The following MKNK2 variants were observed in gnomAD, a reference collection of about 807,000 sequenced individuals.
MKNK2 encodes the protein MAP kinase-interacting serine/threonine-protein kinase 2.
Under a neutral mutation model 55.0 loss-of-function variants are expected in MKNK2, and 54 were observed. The ratio of observed to expected loss-of-function variants is 0.98; its 90% CI spans 0.79 to 1.23. MKNK2 has a LOEUF of 1.23. Among genes scored for constraint, MKNK2 ranks in the 50% most tolerant of loss-of-function variants. The pLI, the probability that MKNK2 is intolerant of heterozygous loss-of-function variation, is 0.00. For synonymous variants in MKNK2, 323 were observed against 256.0 expected (o/e 1.26, Z -2.50); for missense variants, 685 against 632.1 (o/e 1.08, Z -0.90).
chr19:2,050,815 G>T lies in MKNK2; in HGVS notation c.37C>A (p.His13Asn), dbSNP rs780555781. The T allele has an allele frequency of 6.5e-7, 1 of 1,537,892 alleles. No individual in the cohort carries two copies. ...CCGGGCCTCACCTTGAACGAACGGT[G>T]GAAACCCTGAAGTTCGGCTGGTTTC... is the stretch of plus-strand genomic sequence containing the variant. ...QKKPAELQGF[H>N]RSFKGQNPFE... Residue 13 changes from histidine (H) to asparagine (N), a missense_variant, in exon 2 of 14, where the codon CAC (histidine) becomes AAC (asparagine). Coordinates refer to ENST00000250896, the MANE Select transcript of MKNK2 (RefSeq NM_199054.3).
At chr19:2,045,185 T>G (rs1192359671) in intron 5 of MKNK2, among the ~76,000 whole-genome samples, 2 of 152,100 alleles carry the variant, frequency 1.3e-5, no homozygotes, top group East Asian at 3.9e-4. Flanking sequence ...CAGGTCAATG[T>G]GGCAAGATGA....
rs2016922447 is a variant in MKNK2 at position 2,042,881 on chromosome 19, CA to C, written c.494-12del. On this transcript the variant is annotated splice_polypyrimidine_tract_variant and intron_variant, in intron 7 of 13. Coordinates refer to ENST00000250896, the MANE Select transcript of MKNK2 (RefSeq NM_199054.3). ...GGCTCAGGATGGAGCCTGGGCAGGG[CA>C]GGGCAGGGCAGGACAGGGGGAACAC... The C allele has an allele frequency of 3.9e-6, 6 of 1,555,568 alleles. No homozygotes were observed. The highest frequency in any genetic ancestry group is 2.7e-5 in the African/African-American group (2 of 73,338).
At chr19:2,049,569 C>T (rs985514629) in intron 2 of MKNK2, among the ~76,000 whole-genome samples, 2 of 152,206 alleles carry the variant, frequency 1.3e-5, no homozygotes, top group Non-Finnish European at 1.5e-5. Context: ...CTAGGTCTGG[C>T]TGTGGGACTC....
At chr19:2,048,123 C>A (rs2017038028) in intron 2 of MKNK2, among the ~76,000 whole-genome samples, 1 of 152,162 alleles carries the variant, frequency 6.6e-6, no homozygotes, top group Non-Finnish European at 1.5e-5. Context: ...GTGCCAGACA[C>A]CCCTGGAGGG....
chr19:2,043,055 G>A, intron 7 of MKNK2, 69 bp downstream of exon 7: 1 of 1,398,172 alleles, frequency 7.2e-7, no homozygotes, highest in South Asian at 1.2e-5. Context: ...TCCTGCAGGT[G>A]GCACTAGGCC....
At chr19:2,047,613 G>T (rs140702586) in intron 2 of MKNK2, among the ~76,000 whole-genome samples, 2,375 of 152,216 alleles carry the variant, frequency 0.016, 23 homozygotes, top group Middle Eastern at 0.027. Context: ...TAGGCGGGCT[G>T]CCAGCCTGGT....
chr19:2,048,899 AG>A, intron 2 of MKNK2, among the ~76,000 whole-genome samples: 1 of 152,258 alleles, frequency 6.6e-6, no homozygotes, highest in Non-Finnish European at 1.5e-5. Flanking sequence ...GCAGGTGACC[AG>A]GGTCTAAGGC....
intron 2 of MKNK2, among the ~76,000 whole-genome samples, chr19:2,048,785 G>A (rs1169738575): frequency 6.6e-6 from 1 of 152,078 alleles, no homozygotes; most frequent in African/African-American, 2.4e-5. Context: ...TGCTGGGGGA[G>A]GAGGGAAGGA....
At position 2,050,918 on chromosome 19, in the gene MKNK2, G is replaced by T; in HGVS notation, c.-67C>A. The T allele has an allele frequency of 1.6e-6, 2 of 1,226,310 alleles. No homozygotes were observed. Among genetic ancestry groups the T allele is most frequent in the Admixed American group, 2.7e-5 (1 of 36,414 alleles). 76.0% of individuals were successfully genotyped at this position (1,226,310 alleles called of 1,614,324 possible). A position where few individuals can be genotyped will look rare whatever the true frequency, so the allele number is the denominator to read the frequency against. ...CCGGGGGGAGGCCCGAGGGCGGGCG[G>T]CCGGGCGGGGGGCGGCCGAGGAGGG... On this transcript the variant is annotated 5_prime_UTR_variant, in exon 2 of 14. Transcript: ENST00000250896.
rs1373630307 is a variant in MKNK2 at position 2,046,527 on chromosome 19, C to A, written c.140-59G>T. The A allele has an allele frequency of 5.8e-6, 9 of 1,561,924 alleles. No homozygotes were observed. In the Admixed American group the frequency reaches 9.6e-5, roughly 17 times the overall value. On this transcript the variant is annotated intron_variant, in intron 3 of 13. Coordinates refer to ENST00000250896, the MANE Select transcript of MKNK2 (RefSeq NM_199054.3). ...CATGGCCCTGGCCGGCCGGCCCCCA[C>A]CCCCCTGCAGGGGCTGGCCACTGCC...
At chr19:2,042,902 G>T in intron 7 of MKNK2, 32 bp from the exon 8 acceptor site, 1 of 1,539,986 alleles carries the variant, frequency 6.5e-7, no homozygotes. Flanking sequence ...AGGACAGGGG[G>T]AACACGCAGG....
chr19:2,041,040 C>T lies in MKNK2; in HGVS notation c.1110G>A (p.Gly370=), dbSNP rs200147356. Residue 370 remains glycine, a splice_region_variant and synonymous_variant, in exon 12 of 14, where the codon GGG becomes GGA. Coordinates refer to ENST00000250896, the MANE Select transcript of MKNK2 (RefSeq NM_199054.3). The stretch of plus-strand genomic sequence containing the variant: ...TGCCGCCCGTGCGGCTGGTACTCAC[C>T]CCCTGAACCCAGGGGTGCTGCAGGA... ...AQVLQHPWVQ[G]CAPENTLPTP... is the part of the protein sequence containing the mutation. The T allele has an allele frequency of 8.1e-6, 13 of 1,613,812 alleles. No individual in the cohort carries two copies. In the East Asian group the frequency reaches 2.5e-4, roughly 30 times the overall value.
Position 2,038,049 on chromosome 19 carries a change from T to C in MKNK2, c.*1564A>G. 1 of 1,269,500 alleles carries C rather than the reference T, an allele frequency of 7.9e-7. No individual in the cohort carries two copies. The highest frequency in any genetic ancestry group is 1.0e-6 in the Non-Finnish European group (1 of 995,954). The allele number at this position is 1,269,500 out of a possible 1,614,324, so 78.6% of individuals were successfully genotyped here. On this transcript the variant is annotated 3_prime_UTR_variant, in exon 14 of 14. Transcript: ENST00000250896. ...ATGCCCCACCCCCCCCAGGGGTCTT[T>C]GGAAGGGGCAGTCCACAGATATGGG...
At position 2,039,861 on chromosome 19, in the gene MKNK2, G is replaced by A. The variant is rs771674217; in HGVS notation, c.1155-5C>T. Reference sequence around the variant, plus strand: ...AGGTCTTTGGCACAGCTGTTCCTGGGAAACGGGGTGGGGGTAGGTGGTCAC... The same window carrying A: ...AGGTCTTTGGCACAGCTGTTCCTGGAAAACGGGGTGGGGGTAGGTGGTCAC... On this transcript the variant is annotated splice_region_variant and splice_polypyrimidine_tract_variant and intron_variant, in intron 13 of 13. Transcript: ENST00000250896. The A allele has an allele frequency of 2.5e-6, 4 of 1,588,484 alleles. No individual in the cohort carries two copies. The East Asian group carries it at 9.0e-5, about 36-fold the overall frequency.
In MKNK2 at chr19:2,042,677, A is replaced by G. The variant is rs1271294715; in HGVS notation, c.599-15T>C. The G allele has an allele frequency of 2.6e-6, 4 of 1,559,234 alleles. No individual in the cohort carries two copies. The African/African-American group carries it at 5.4e-5, about 21-fold the overall frequency. On this transcript the variant is annotated splice_polypyrimidine_tract_variant and intron_variant, in intron 8 of 13. Transcript: ENST00000250896. ...GTGGGCGATGCCTGGGGGAGAAGCC[A>G]CAGAACCACGACGGGGTGAGGGTCT... is the stretch of plus-strand genomic sequence containing the variant.
Position 2,038,012 on chromosome 19 carries a change from G to C in MKNK2, c.*1601C>G. ...GACAGGCGAGAAGTGATGGGGGAAA[G>C]GGGTGGGCGGAATGCCCCACCCCCC... On this transcript the variant is annotated 3_prime_UTR_variant, in exon 14 of 14. Coordinates refer to ENST00000250896, the MANE Select transcript of MKNK2 (RefSeq NM_199054.3). 7.4e-7 allele frequency: 1 copy of C among 1,344,170 alleles called. No homozygotes were observed. Among genetic ancestry groups the C allele is most frequent in the Non-Finnish European group, 9.6e-7 (1 of 1,040,038 alleles). The allele number at this position is 1,344,170 out of a possible 1,614,324, so 83.3% of individuals were successfully genotyped here.
chr19:2,046,285 T>C lies in MKNK2; in HGVS notation c.242-2A>G. ...CATCTTCCTGCAGCTGGTAGACGTC[T>C]GCCGGGCAGCGGGGCGGGCGTGAGA... On this transcript the variant is annotated splice_acceptor_variant, in intron 4 of 13. Transcript: ENST00000250896. LOFTEE classifies it high-confidence loss of function. 1.9e-6 allele frequency: 3 copies of C among 1,604,100 alleles called. No individual in the cohort carries two copies. Among genetic ancestry groups the C allele is most frequent in the Non-Finnish European group, 2.5e-6 (3 of 1,179,866 alleles).
intron 11 of MKNK2, 89 bp from the exon 12 acceptor site, chr19:2,041,293 G>A: frequency 1.4e-6 from 2 of 1,440,916 alleles, no homozygotes; most frequent in South Asian, 2.6e-5. Context: ...ACCCCAACCA[G>A]GCCCTAGACC....
chr19:2,041,774 G>C (rs75100034), intron 11 of MKNK2, 66 bp downstream of exon 11: 21 of 1,353,512 alleles, frequency 1.6e-5, no homozygotes, highest in Non-Finnish European at 2.0e-5. Flanking sequence ...CTGGGGTTAG[G>C]GGGTGTTCAG....
Sources: gnomAD v4.1 joint callset for allele counts (sites outside exome capture counted in the v4.1 genomes callset) on GRCh38, gnomAD v4.1.1 for gene constraint, MANE v1.5 for transcripts, NCBI Gene and HGNC (gene_info 2026-07-23, HGNC 2026-07-21) for gene names.